The following PRKCE variants were observed in gnomAD, a reference collection of about 807,000 sequenced individuals.
The protein encoded by PRKCE is protein kinase C epsilon, also known as protein kinase C epsilon type.
A neutral mutation model predicts 85.4 loss-of-function variants in PRKCE; 16 were observed. That is an observed-to-expected ratio of 0.19 (90% CI 0.13 to 0.28). The LOEUF is 0.28. Among genes scored for constraint, PRKCE ranks in the 10% least tolerant of loss-of-function variants. The probability of loss-of-function intolerance (pLI) is 1.00; values close to 1 mark genes in which losing one functional copy is unlikely to be tolerated. For synonymous variants in PRKCE, 388 were observed against 371.5 expected, an observed-to-expected ratio of 1.04 and a Z score of -0.51; for missense variants, 573 against 975.2, an observed-to-expected ratio of 0.59 and a Z score of 5.49.
chr2:45,683,758 C>T (rs1677080682), intron 1 of PRKCE, among the ~76,000 whole-genome samples: 1 of 152,170 alleles, frequency 6.6e-6, no homozygotes, highest in South Asian at 2.1e-4. Context: ...ATAAACGGTC[C>T]CAGGCAGTCT....
At chr2:45,754,491 T>C (rs1355510276) in intron 1 of PRKCE, among the ~76,000 whole-genome samples, 1 of 152,312 alleles carries the variant, frequency 6.6e-6, no homozygotes, top group East Asian at 1.9e-4. Context: ...TTGTTAATAA[T>C]CCAGCCTTCA....
At chr2:45,796,660 G>T (rs1687463171) in intron 1 of PRKCE, among the ~76,000 whole-genome samples, 1 of 152,182 alleles carries the variant, frequency 6.6e-6, no homozygotes, top group African/African-American at 2.4e-5. Flanking sequence ...GATGAAATGA[G>T]TAAATACAGG....
At chr2:46,109,920 A>G (rs757876765) in intron 11 of PRKCE, among the ~76,000 whole-genome samples, 4 of 152,178 alleles carry the variant, frequency 2.6e-5, no homozygotes, top group Admixed American at 2.6e-4. Context: ...TGGGTATTGG[A>G]TTTTGTAAGA....
chr2:46,109,136 C>A (rs560411044), intron 11 of PRKCE, among the ~76,000 whole-genome samples: 1 of 152,144 alleles, frequency 6.6e-6, no homozygotes, highest in African/African-American at 2.4e-5. Flanking sequence ...ATGTGAGTCC[C>A]CCAACTTTCT....
intron 1 of PRKCE, among the ~76,000 whole-genome samples, chr2:45,696,460 G>A (rs1678159331): frequency 6.6e-6 from 1 of 151,980 alleles, no homozygotes; most frequent in South Asian, 2.1e-4. Flanking sequence ...CCATCTCCTG[G>A]CCTGCTCACT....
At chr2:45,740,125 T>A (rs1244715873) in intron 1 of PRKCE, among the ~76,000 whole-genome samples, 1 of 142,452 alleles carries the variant, frequency 7.0e-6, no homozygotes, top group South Asian at 2.2e-4. Flanking sequence ...AAGACCAGCC[T>A]GGGCAACATG....
chr2:46,130,418 A>G (rs1325433391), intron 11 of PRKCE, among the ~76,000 whole-genome samples: 1 of 151,654 alleles, frequency 6.6e-6, no homozygotes, highest in Non-Finnish European at 1.5e-5. Flanking sequence ...TTAATATAAC[A>G]TGACATAGAT....
intron 1 of PRKCE, among the ~76,000 whole-genome samples, chr2:45,753,907 A>G (rs1464613619): frequency 1.3e-5 from 2 of 152,216 alleles, no homozygotes; most frequent in African/African-American, 4.8e-5. Context: ...CCACAAAACC[A>G]TGATCACAAC....
At chr2:45,898,224 C>T (rs1428118108) in intron 2 of PRKCE, among the ~76,000 whole-genome samples, 1 of 152,176 alleles carries the variant, frequency 6.6e-6, no homozygotes, top group Non-Finnish European at 1.5e-5. Flanking sequence ...TTATTAAGTC[C>T]AGCCCACACT....
chr2:45,932,157 G>A (rs1382072292), intron 2 of PRKCE, among the ~76,000 whole-genome samples: 1 of 152,186 alleles, frequency 6.6e-6, no homozygotes, highest in Non-Finnish European at 1.5e-5. Context: ...GTTTTACTTG[G>A]TTTTGAACTC....
rs1179033784 is a variant in PRKCE at position 46,130,414 on chromosome 2, T to C, written c.1593-14679T>C. Among the ~76,000 whole-genome samples the C allele has an allele frequency of 3.3e-5, 5 of 151,670 alleles. No homozygotes were observed. In the East Asian group the frequency reaches 9.8e-4, roughly 30 times the overall value. ...ATATAAGTATATAGTATGATTAATATAACATGACATAGATATATAGAAACG... is the reference window on the plus strand; with the variant it reads ...ATATAAGTATATAGTATGATTAATACAACATGACATAGATATATAGAAACG... On this transcript the variant is annotated intron_variant, in intron 11 of 14. Transcript: ENST00000306156.
At chr2:45,681,516 T>C (rs1676901528) in intron 1 of PRKCE, among the ~76,000 whole-genome samples, 1 of 152,116 alleles carries the variant, frequency 6.6e-6, no homozygotes, top group African/African-American at 2.4e-5. Context: ...ATGATGCACC[T>C]AAGTACAGGC....
chr2:45,985,268 C>T (rs1048229400), intron 6 of PRKCE, among the ~76,000 whole-genome samples: 3 of 152,172 alleles, frequency 2.0e-5, no homozygotes, highest in African/African-American at 4.8e-5. Context: ...TTGACTCTCG[C>T]GTCCTCAGTT....
At chr2:45,680,740 A>G (rs1572922194) in intron 1 of PRKCE, among the ~76,000 whole-genome samples, 1 of 152,376 alleles carries the variant, frequency 6.6e-6, no homozygotes, top group Middle Eastern at 3.4e-3. Flanking sequence ...CCAATAGCCT[A>G]TACCTTTCAA....
At chr2:45,667,803 A>T (rs1003240248) in intron 1 of PRKCE, among the ~76,000 whole-genome samples, 2 of 152,116 alleles carry the variant, frequency 1.3e-5, no homozygotes, top group Non-Finnish European at 1.5e-5. Context: ...TCAAAAAAAA[A>T]AAAGTGAAAA....
intron 11 of PRKCE, among the ~76,000 whole-genome samples, chr2:46,111,469 G>T (rs542373680): frequency 1.3e-5 from 2 of 152,116 alleles, no homozygotes; most frequent in Non-Finnish European, 2.9e-5. Flanking sequence ...AAGGAACTCC[G>T]TTCCTTTTAA....
At chr2:45,891,976 G>T (rs1695755832) in intron 2 of PRKCE, among the ~76,000 whole-genome samples, 1 of 152,188 alleles carries the variant, frequency 6.6e-6, no homozygotes, top group Admixed American at 6.5e-5. Flanking sequence ...CAACACGGTG[G>T]CTCAAATCTA....
chr2:45,924,394 C>T (rs1025165596), intron 2 of PRKCE, among the ~76,000 whole-genome samples: 1 of 152,086 alleles, frequency 6.6e-6, no homozygotes, highest in South Asian at 2.1e-4. Flanking sequence ...AGGATGGAGG[C>T]AGAGGAGATG....
chr2:46,165,596 A>G (rs958732337), intron 14 of PRKCE, among the ~76,000 whole-genome samples: 2 of 152,232 alleles, frequency 1.3e-5, no homozygotes, highest in Non-Finnish European at 2.9e-5. Flanking sequence ...CAATAACAGT[A>G]GCACATTTCG....
Sources: allele counts gnomAD v4.1 joint callset (sites outside exome capture counted in the v4.1 genomes callset), GRCh38; gene constraint gnomAD v4.1.1; transcripts MANE v1.5; gene names NCBI Gene and HGNC (gene_info 2026-07-23, HGNC 2026-07-21).